The following CNIH1 variants were observed in gnomAD, a reference collection of about 807,000 sequenced individuals.
The protein encoded by CNIH1 is protein cornichon homolog 1.
A neutral mutation model predicts 20.2 loss-of-function variants in CNIH1; 12 were observed. That is an observed-to-expected ratio of 0.59 (90% CI 0.38 to 0.96). The LOEUF (loss-of-function observed/expected upper bound fraction) is 0.96, where lower values mean the gene tolerates loss of function less well. CNIH1 is among the 40% of genes least tolerant of loss of function. The pLI is 0.00. For missense variants in CNIH1, 152 were observed against 178.8 expected, an observed-to-expected ratio of 0.85 and a Z score of 0.85; for synonymous variants, 69 against 63.3, an observed-to-expected ratio of 1.09 and a Z score of -0.43.
chr14:54,438,614 G>A (rs886666256), intron 1 of CNIH1, among the ~76,000 whole-genome samples: 3 of 152,170 alleles, frequency 2.0e-5, no homozygotes, highest in African/African-American at 4.8e-5. Flanking sequence ...TAAATTGACA[G>A]ATATAATCAT....
rs908038151 is a variant in CNIH1, at chr14:54,423,723, C to T, written c.*4091G>A. The T allele has an allele frequency of 6.6e-6, 1 of 152,166 alleles. No homozygotes were observed. Among genetic ancestry groups the T allele is most frequent in the Non-Finnish European group, 1.5e-5 (1 of 68,028 alleles). The allele number at this position is 152,166 out of a possible 1,614,324, so 9.4% of individuals were successfully genotyped here. ...AGACAGCTAACTACATGTTATGTTT[C>T]TCTTAGTAGTTTTAGGGTCTGCCCA... On this transcript the variant is annotated 3_prime_UTR_variant, in exon 5 of 5. Transcript: ENST00000216416.
intron 3 of CNIH1, among the ~76,000 whole-genome samples, chr14:54,431,406 G>A (rs1566716413): frequency 6.6e-6 from 1 of 152,116 alleles, no homozygotes. Flanking sequence ...GATTACAGGC[G>A]TGAGCCACTG....
intron 1 of CNIH1, chr14:54,436,895 C>T (rs1011662219): frequency 5.6e-6 from 2 of 358,516 alleles, no homozygotes; most frequent in African/African-American, 2.2e-5. Context: ...CTCTATAATG[C>T]CATCGATATG....
At chr14:54,441,112 G>C (rs1594621273) in intron 1 of CNIH1, 135 bp downstream of exon 1, 14 of 948,102 alleles carry the variant, frequency 1.5e-5, no homozygotes, top group East Asian at 9.1e-5. Flanking sequence ...ACCCCTCGCC[G>C]CGCGGCCCGT....
intron 1 of CNIH1, chr14:54,436,847 G>C: frequency 2.4e-6 from 1 of 423,040 alleles, no homozygotes; most frequent in African/African-American, 2.1e-5. Flanking sequence ...AACTCCTTTG[G>C]GCAGAAGTAA....
intron 2 of CNIH1, among the ~76,000 whole-genome samples, chr14:54,432,460 C>G (rs868302024): frequency 6.6e-6 from 1 of 152,202 alleles, no homozygotes; most frequent in Non-Finnish European, 1.5e-5. Flanking sequence ...ACTTAAAATT[C>G]AAAGCTCAAA....
chr14:54,441,211 C>T (rs1220373811), intron 1 of CNIH1, 36 bp downstream of exon 1: 15 of 1,482,466 alleles, frequency 1.0e-5, no homozygotes, highest in South Asian at 1.3e-5. Context: ...GCTGTGTTGC[C>T]GCCTCGCCCT....
In CNIH1 at chr14:54,423,637, T is replaced by C. The variant is rs1309575370; in HGVS notation, c.*4177A>G. 1 of 152,208 alleles carries C rather than the reference T, an allele frequency of 6.6e-6. No individual in the cohort carries two copies. Among genetic ancestry groups the C allele is most frequent in the African/African-American group, 2.4e-5 (1 of 41,458 alleles). 9.4% of individuals were successfully genotyped at this position (152,208 alleles called of 1,614,324 possible). A position where few individuals can be genotyped will look rare whatever the true frequency, so the allele number is the denominator to read the frequency against. On this transcript the variant is annotated 3_prime_UTR_variant, in exon 5 of 5. Transcript: ENST00000216416. ...GTAAGGTAGGGCTACTTAAGGGCGT[T>C]TTCTGTGGACAGCGGACACAGCACC... is the stretch of plus-strand genomic sequence containing the variant.
chr14:54,441,238 G>A lies in CNIH1; in HGVS notation c.81+9C>T. On this transcript the variant is annotated intron_variant, in intron 1 of 4. Transcript: ENST00000216416. ...CCTCGCCCTCCTTTCCCCAGCCCCAGCTACTCACGTGCCAAATGGCGAAGA... is the reference window on the plus strand; with the variant it reads ...CCTCGCCCTCCTTTCCCCAGCCCCAACTACTCACGTGCCAAATGGCGAAGA... The A allele has an allele frequency of 6.6e-7, 1 of 1,508,484 alleles. No individual in the cohort carries two copies. The highest frequency in any genetic ancestry group is 1.2e-5 in the South Asian group (1 of 80,184). 93.4% of individuals were successfully genotyped at this position (1,508,484 alleles called of 1,614,324 possible).
At chr14:54,435,490 T>G (rs1356552630) in intron 2 of CNIH1, among the ~76,000 whole-genome samples, 1 of 152,156 alleles carries the variant, frequency 6.6e-6, no homozygotes, top group African/African-American at 2.4e-5. Flanking sequence ...TTCAGGCCTG[T>G]TTTAGAAACA....
intron 1 of CNIH1, chr14:54,436,765 T>C: frequency 2.1e-6 from 1 of 465,378 alleles, no homozygotes; most frequent in South Asian, 1.7e-5. Flanking sequence ...TTTCAACTGT[T>C]TATCCAAATT....
At chr14:54,437,302 T>G (rs1241645572) in intron 1 of CNIH1, among the ~76,000 whole-genome samples, 2 of 152,218 alleles carry the variant, frequency 1.3e-5, no homozygotes, top group Admixed American at 6.5e-5. Flanking sequence ...TAAGCTACCC[T>G]TCCCTTAATG....
intron 3 of CNIH1, among the ~76,000 whole-genome samples, 191 bp downstream of exon 3, chr14:54,431,917 C>T (rs1445506114): frequency 6.6e-6 from 1 of 151,960 alleles, no homozygotes; most frequent in Non-Finnish European, 1.5e-5. Flanking sequence ...TAAAAAAATT[C>T]CTTTAAAAAT....
intron 4 of CNIH1, among the ~76,000 whole-genome samples, chr14:54,428,294 A>G (rs1346751654): frequency 2.6e-5 from 4 of 152,216 alleles, no homozygotes; most frequent in African/African-American, 7.2e-5. Flanking sequence ...GGAATGATCA[A>G]TCAAGGATCT....
Position 54,432,210 on chromosome 14 carries a change from G to C in CNIH1, c.161C>G (p.Pro54Arg). 6.5e-7 allele frequency: 1 copy of C among 1,538,224 alleles called. No individual in the cohort carries two copies. The highest frequency in any genetic ancestry group is 8.8e-7 in the Non-Finnish European group (1 of 1,139,416). The change falls in exon 3 of 5, where the codon CCA becomes CGA. Residue 54 changes from proline to arginine, a missense_variant. Around this residue, in one of 3 missense-constraint regions of CNIH1, gnomAD observed 97 missense variants for 100.6 expected, o/e 0.96. Transcript: ENST00000216416. ...GAAGAAAGCGTGGATGAGGTACTCT[G>C]GGAGTACAAGCTGGAAGGAAAACAC... ...QCNTLNPLVL[P>R]EYLIHAFFCV...
intron 2 of CNIH1, among the ~76,000 whole-genome samples, chr14:54,435,701 A>T (rs190692180): frequency 6.6e-6 from 1 of 152,224 alleles, no homozygotes; most frequent in Non-Finnish European, 1.5e-5. Context: ...CAAACCAAAG[A>T]TAAAACTAGA....
chr14:54,436,450 T>G lies in CNIH1; in HGVS notation c.82-13A>C. The G allele has an allele frequency of 6.9e-7, 1 of 1,452,202 alleles. No homozygotes were observed. Among genetic ancestry groups the G allele is most frequent in the Non-Finnish European group, 9.7e-7 (1 of 1,035,580 alleles). The allele number at this position is 1,452,202 out of a possible 1,614,324, so 90.0% of individuals were successfully genotyped here. ...CAAATGCTATAATCTAAAATAAAATTAAAACAGTTAGGACCACTCACTTTA... is the reference window on the plus strand; with the variant it reads ...CAAATGCTATAATCTAAAATAAAATGAAAACAGTTAGGACCACTCACTTTA... On this transcript the variant is annotated splice_polypyrimidine_tract_variant and intron_variant, in intron 1 of 4. Coordinates refer to ENST00000216416, the MANE Select transcript of CNIH1 (RefSeq NM_005776.3).
intron 1 of CNIH1, chr14:54,436,719 TCTCTA>T (rs1323698387): frequency 5.8e-6 from 3 of 516,278 alleles, no homozygotes; most frequent in South Asian, 5.1e-5. Context: ...TTTCAACTTA[TCTCTA>T]CTCGAAATAA....
chr14:54,436,329 A>G lies in CNIH1; in HGVS notation c.150+40T>C, dbSNP rs758687312. On this transcript the variant is annotated intron_variant, in intron 2 of 4. Coordinates refer to ENST00000216416, the MANE Select transcript of CNIH1 (RefSeq NM_005776.3). ...ATTACTTCAAGTTAAAAACAAACATATTTTTAAAATCTAAAGATAAATCCT... is the reference window on the plus strand; with the variant it reads ...ATTACTTCAAGTTAAAAACAAACATGTTTTTAAAATCTAAAGATAAATCCT... 8 of 1,151,632 alleles carry G rather than the reference A, an allele frequency of 6.9e-6. No individual in the cohort carries two copies. The East Asian group carries it at 1.9e-4, about 27-fold the overall frequency. 71.3% of individuals were successfully genotyped at this position (1,151,632 alleles called of 1,614,324 possible).
Sources: allele counts gnomAD v4.1 joint callset (sites outside exome capture counted in the v4.1 genomes callset), GRCh38; gene constraint gnomAD v4.1.1; regional missense constraint gnomAD v4.1.1; transcripts MANE v1.5; gene names NCBI Gene and HGNC (gene_info 2026-07-23, HGNC 2026-07-21).